The following SNX29 variants were observed in gnomAD, a reference collection of about 807,000 sequenced individuals.
SNX29 encodes the protein sorting nexin 29, also known as sorting nexin-29.
Under a neutral mutation model 102.1 loss-of-function variants are expected in SNX29, and 78 were observed. That is an observed-to-expected ratio of 0.76 (90% CI 0.64 to 0.92). SNX29 has a LOEUF of 0.92. Ranked by LOEUF, SNX29 falls within the 40% of genes least tolerant of loss-of-function variation. The pLI, the probability that SNX29 is intolerant of heterozygous loss-of-function variation, is 0.00. For synonymous variants in SNX29, 580 were observed against 414.5 expected, an observed-to-expected ratio of 1.40 and a Z score of -4.85; for missense variants, 1,280 against 1,061.7, an observed-to-expected ratio of 1.21 and a Z score of -2.86.
chr16:12,213,514 T>C (rs75203516), intron 14 of SNX29, among the ~76,000 whole-genome samples: 3,986 of 152,242 alleles, frequency 0.026, 172 homozygotes, highest in African/African-American at 0.091. Flanking sequence ...ACATTGACTT[T>C]ATAGAATTGT....
chr16:12,061,543 C>T lies in SNX29; in HGVS notation c.1140C>T (p.Asn380=). ...TTCACCTTAGGCCACTGGAAGGGAA[C>T]ACCTGCCTCTCCCAGATGCACAGCT... ...SESPEKPLEG[N]TCLSQMHSWA... is the part of the protein sequence containing the mutation. Residue 380 remains asparagine, a synonymous_variant, in exon 9 of 21, where the codon AAC becomes AAT. Transcript: ENST00000566228. 5.0e-6 allele frequency: 8 copies of T among 1,604,980 alleles called. No individual in the cohort carries two copies. Among genetic ancestry groups the T allele is most frequent in the South Asian group, 1.1e-5 (1 of 88,640 alleles).
chr16:12,433,640 AAAAAAAAAAAG>A (rs2085406074), intron 18 of SNX29, among the ~76,000 whole-genome samples: 1 of 125,650 alleles, frequency 8.0e-6, no homozygotes, highest in Non-Finnish European at 1.7e-5. Flanking sequence ...CAAAAAAAAA[AAAAAAAAAAAG>A]GAAACTTAGC....
At chr16:12,122,177 G>A (rs73517891) in intron 11 of SNX29, among the ~76,000 whole-genome samples, 3,654 of 152,266 alleles carry the variant, frequency 0.024, 160 homozygotes, top group African/African-American at 0.085. Context: ...CTATTTCAGT[G>A]TGTCTCCACA....
chr16:12,548,072 A>C lies in SNX29; in HGVS notation c.2319-20434A>C, dbSNP rs117484882. Among the ~76,000 whole-genome samples the C allele has an allele frequency of 8.0e-3, 1,222 of 152,320 alleles. 8 individuals carry two copies. The highest frequency in any genetic ancestry group is 0.013 in the Non-Finnish European group (896 of 68,004). Reference sequence around the variant, plus strand: ...ACCCCTGGCACACACACGGTCAGGCATGACATAAAAAGATGTTGCTAAGGG... The same window carrying C: ...ACCCCTGGCACACACACGGTCAGGCCTGACATAAAAAGATGTTGCTAAGGG... On this transcript the variant is annotated intron_variant, in intron 20 of 20. Transcript: ENST00000566228.
At chr16:12,547,827 C>T (rs1365432689) in intron 20 of SNX29, among the ~76,000 whole-genome samples, 1 of 152,198 alleles carries the variant, frequency 6.6e-6, no homozygotes. Context: ...GACAGCCTTA[C>T]TGAGCCCCAG....
chr16:12,480,283 C>T (rs1427417355), intron 19 of SNX29, among the ~76,000 whole-genome samples: 1 of 152,194 alleles, frequency 6.6e-6, no homozygotes, highest in Non-Finnish European at 1.5e-5. Context: ...CCTTCTGGAG[C>T]CCCAGGAGAG....
chr16:12,267,616 A>T (rs2078966604), intron 14 of SNX29, among the ~76,000 whole-genome samples: 3 of 152,304 alleles, frequency 2.0e-5, no homozygotes, highest in South Asian at 4.1e-4. Flanking sequence ...AGGAGCAGCC[A>T]TGTGTGCTCA....
intron 20 of SNX29, among the ~76,000 whole-genome samples, chr16:12,543,598 TC>T (rs36047501): frequency 6.6e-6 from 1 of 152,162 alleles, no homozygotes; most frequent in African/African-American, 2.4e-5. Flanking sequence ...CAGTTCATCC[TC>T]CCCGATGGAG....
At chr16:12,558,283 C>T (rs867631083) in intron 20 of SNX29, among the ~76,000 whole-genome samples, 3 of 152,260 alleles carry the variant, frequency 2.0e-5, no homozygotes, top group Middle Eastern at 3.4e-3. Context: ...GCTGAGCCAG[C>T]TCTGAAACGC....
At chr16:12,468,912 T>A (rs982158184) in intron 18 of SNX29, among the ~76,000 whole-genome samples, 1 of 152,244 alleles carries the variant, frequency 6.6e-6, no homozygotes, top group Non-Finnish European at 1.5e-5. Flanking sequence ...CTTTGGGCAC[T>A]TCCGGCCATG....
intron 19 of SNX29, among the ~76,000 whole-genome samples, chr16:12,485,380 A>G (rs2088177191): frequency 6.6e-6 from 1 of 152,256 alleles, no homozygotes; most frequent in Non-Finnish European, 1.5e-5. Flanking sequence ...TTCTTAGGAT[A>G]ATAGATTCCG....
intron 14 of SNX29, among the ~76,000 whole-genome samples, chr16:12,225,478 C>G (rs2077586027): frequency 6.6e-6 from 1 of 152,170 alleles, no homozygotes; most frequent in Non-Finnish European, 1.5e-5. Context: ...TGCACAAGCT[C>G]TCTCTCTTTG....
intron 18 of SNX29, among the ~76,000 whole-genome samples, chr16:12,439,304 C>T (rs2085689290): frequency 6.6e-6 from 1 of 152,210 alleles, no homozygotes; most frequent in Non-Finnish European, 1.5e-5. Context: ...CACTGGAAGT[C>T]ACCAGAGAGG....
At chr16:12,546,189 T>G (rs1324728809) in intron 20 of SNX29, 1 of 152,216 alleles carries the variant, frequency 6.6e-6, no homozygotes, top group Non-Finnish European at 1.5e-5. Context: ...GCAGGGAATG[T>G]AAAGTAACGA....
chr16:12,061,738 G>T, intron 9 of SNX29, 92 bp downstream of exon 9: 1 of 1,127,212 alleles, frequency 8.9e-7, no homozygotes, highest in South Asian at 1.4e-5. Context: ...AGGTAGGAAT[G>T]GGAGCCGGGA....
intron 14 of SNX29, among the ~76,000 whole-genome samples, chr16:12,208,099 A>T (rs925990021): frequency 6.6e-6 from 1 of 152,206 alleles, no homozygotes; most frequent in African/African-American, 2.4e-5. Flanking sequence ...AACATTCCAT[A>T]CCACTTAAGA....
intron 18 of SNX29, among the ~76,000 whole-genome samples, chr16:12,423,631 C>T (rs562735135): frequency 1.8e-4 from 27 of 152,214 alleles, no homozygotes; most frequent in African/African-American, 5.8e-4. Context: ...AGTGCAGTGG[C>T]GCCATCTTGG....
chr16:12,518,782 G>A (rs924992674), intron 19 of SNX29, among the ~76,000 whole-genome samples: 1 of 152,192 alleles, frequency 6.6e-6, no homozygotes, highest in African/African-American at 2.4e-5. Context: ...CAATGGGGTA[G>A]GAGCTACCCC....
At chr16:12,508,218 G>C (rs966350085) in intron 19 of SNX29, among the ~76,000 whole-genome samples, 1 of 152,224 alleles carries the variant, frequency 6.6e-6, no homozygotes, top group African/African-American at 2.4e-5. Flanking sequence ...TCACAGGGAG[G>C]AGTCCAGAGA....
Sources: allele counts gnomAD v4.1 joint callset (sites outside exome capture counted in the v4.1 genomes callset), GRCh38; gene constraint gnomAD v4.1.1; transcripts MANE v1.5; gene names NCBI Gene and HGNC (gene_info 2026-07-23, HGNC 2026-07-21).